Variants in ABCA6 observed in about 807,000 individuals in gnomAD.
ABCA6 encodes ATP binding cassette subfamily A member 6.
Under a neutral mutation model 191.2 loss-of-function variants are expected in ABCA6, and 164 were observed. The ratio of observed to expected loss-of-function variants is 0.86; its 90% CI spans 0.76 to 0.98. The LOEUF (loss-of-function observed/expected upper bound fraction) is 0.98. Ranked by LOEUF, ABCA6 falls within the 50% of genes least tolerant of loss-of-function variation. The pLI, the probability that ABCA6 is intolerant of heterozygous loss-of-function variation, is 0.00. For missense variants in ABCA6, 1,958 were observed against 1,894.1 expected, an observed-to-expected ratio of 1.03 and a Z score of -0.63; for synonymous variants, 636 against 647.7, an observed-to-expected ratio of 0.98 and a Z score of 0.27.
chr17:69,080,541 A>G (rs1455150126), intron 37 of ABCA6, among the ~76,000 whole-genome samples: 1 of 152,188 alleles, frequency 6.6e-6, no homozygotes, highest in African/African-American at 2.4e-5. Context: ...AATGCAGGGG[A>G]CGGTCAAAGC....
At chr17:69,120,816 A>G (rs1029239852) in intron 10 of ABCA6, among the ~76,000 whole-genome samples, 3 of 152,096 alleles carry the variant, frequency 2.0e-5, no homozygotes, top group African/African-American at 4.8e-5. Context: ...AGTTACAGGA[A>G]TGCACATATG....
At chr17:69,130,513 A>G (rs2073843481) in intron 6 of ABCA6, among the ~76,000 whole-genome samples, 1 of 152,184 alleles carries the variant, frequency 6.6e-6, no homozygotes, top group African/African-American at 2.4e-5. Flanking sequence ...AATCAACAAT[A>G]TTATACACTG....
chr17:69,129,958 C>T (rs1010398145), intron 6 of ABCA6, among the ~76,000 whole-genome samples: 1 of 152,052 alleles, frequency 6.6e-6, no homozygotes, highest in Non-Finnish European at 1.5e-5. Context: ...ATCTTCGTTA[C>T]CTTTACCATA....
Position 69,137,414 on chromosome 17 carries a change from A to G in ABCA6, c.183T>C (p.Pro61=). 1 of 1,613,774 alleles carries G rather than the reference A, an allele frequency of 6.2e-7. No homozygotes were observed. Among genetic ancestry groups the G allele is most frequent in the Non-Finnish European group, 8.5e-7 (1 of 1,179,810 alleles). ...ATTTATCTACCCTTCCCAGATTCTG[A>G]GGAGCCATTCCAGGAAACTGGACAT... ...MRNVQFPGMA[P]QNLGRVDKFN... The change falls in exon 3 of 39, where the codon CCT becomes CCC. Residue 61 remains proline (P), a synonymous_variant. Transcript: ENST00000284425.
At position 69,140,724 on chromosome 17, in the gene ABCA6, G is replaced by C. The variant is rs2074013829; in HGVS notation, c.-21C>G. ...TTCATTTAGCCTATTCGCTGAAGGA[G>C]AAAGTAATCATGGTGGAACACAACC... On this transcript the variant is annotated 5_prime_UTR_variant, in exon 2 of 39. Coordinates refer to ENST00000284425, the MANE Select transcript of ABCA6 (RefSeq NM_080284.3). 2.0e-6 allele frequency: 3 copies of C among 1,495,342 alleles called. No homozygotes were observed. The highest frequency in any genetic ancestry group is 1.3e-5 in the South Asian group (1 of 74,088). The allele number at this position is 1,495,342 out of a possible 1,614,324, so 92.6% of individuals were successfully genotyped here. A position where few individuals can be genotyped will look rare whatever the true frequency, so the allele number is the denominator to read the frequency against.
intron 36 of ABCA6, among the ~76,000 whole-genome samples, chr17:69,081,473 C>G (rs1404982952): frequency 6.6e-6 from 1 of 151,854 alleles, no homozygotes; most frequent in African/African-American, 2.4e-5. Flanking sequence ...AAATGTTCAT[C>G]TTTGTCATCA....
At chr17:69,079,103 A>G (rs2072562600) in intron 38 of ABCA6, 29 bp from the exon 39 acceptor site, 1 of 1,579,586 alleles carries the variant, frequency 6.3e-7, no homozygotes, top group African/African-American at 1.4e-5. Flanking sequence ...AGAAGGAAAG[A>G]AGGAAGAGAG....
chr17:69,086,154 C>A (rs1173270576), intron 30 of ABCA6, among the ~76,000 whole-genome samples: 9 of 152,164 alleles, frequency 5.9e-5, no homozygotes, highest in African/African-American at 2.2e-4. Flanking sequence ...CCAACCCAAA[C>A]TGACAAACAA....
intron 22 of ABCA6, 37 bp downstream of exon 22, chr17:69,100,760 T>A: frequency 6.5e-7 from 1 of 1,548,374 alleles, no homozygotes; most frequent in South Asian, 1.2e-5. Flanking sequence ...ATTTGTCCAA[T>A]TCTTAATTGT....
chr17:69,086,637 G>C lies in ABCA6; in HGVS notation c.3918C>G (p.Ile1306Met). ...ACAGACCTTCTTGAACACAGAAAGA[G>C]ATATTTCTTGCTGCTATTTTCTTCT... ...KRKKKIAARN[I>M]SFCVQEGEIL... Residue 1306 changes from isoleucine (I) to methionine (M), a missense_variant, in exon 30 of 39, where the codon ATC becomes ATG. By Grantham distance (10) the Ile-to-Met change is conservative. Transcript: ENST00000284425. 1 of 1,610,376 alleles carries C rather than the reference G, an allele frequency of 6.2e-7. No homozygotes were observed. Among genetic ancestry groups the C allele is most frequent in the South Asian group, 1.1e-5 (1 of 90,990 alleles).
chr17:69,110,229 C>G (rs763978511), intron 17 of ABCA6: 1 of 152,192 alleles, frequency 6.6e-6, no homozygotes, highest in Non-Finnish European at 1.5e-5. Context: ...GGGGGGCTAC[C>G]TTACAAAGAG....
Position 69,137,317 on chromosome 17 carries a change from C to T in ABCA6, c.280G>A (p.Ala94Thr), listed in dbSNP as rs2073965108. 1 of 1,612,764 alleles carries T rather than the reference C, an allele frequency of 6.2e-7. No homozygotes were observed. Among genetic ancestry groups the T allele is most frequent in the Non-Finnish European group, 8.5e-7 (1 of 1,179,560 alleles). The change falls in exon 3 of 39, where the codon GCA (alanine) becomes ACA (threonine). Residue 94 changes from alanine to threonine, a missense_variant. Ala to Thr is a moderately conservative substitution (Grantham distance 58). Transcript: ENST00000284425. ...CTACCTTTCAAAAGAGGAGCAAGTGCTGTTTTATTCATTATCTGCTGGGTT... is the reference window on the plus strand; with the variant it reads ...CTACCTTTCAAAAGAGGAGCAAGTGTTGTTTTATTCATTATCTGCTGGGTT... ...NLTQQIMNKT[A>T]LAPLLKGTSV...
Position 69,140,614 on chromosome 17 carries a change from G to T in ABCA6, c.90C>A (p.Ser30Arg). 2 of 1,595,162 alleles carry T rather than the reference G, an allele frequency of 1.3e-6. No individual in the cohort carries two copies. The highest frequency in any genetic ancestry group is 2.7e-5 in the African/African-American group (2 of 73,962). The change falls in exon 2 of 39, where the codon AGC becomes AGA. Residue 30 changes from serine (S) to arginine (R), a missense_variant. Coordinates refer to ENST00000284425, the MANE Select transcript of ABCA6 (RefSeq NM_080284.3). ...FLKKWRMKRESLLEWGLSILL... is the reference protein window; with the variant it reads ...FLKKWRMKRERLLEWGLSILL... ...GACAAATTTTTAAACATACCAATAA[G>T]CTCTCTCTTTTCATCCTCCATTTCT...
chr17:69,112,595 C>A, intron 15 of ABCA6: 9 of 234,996 alleles, frequency 3.8e-5, no homozygotes, highest in South Asian at 6.7e-5. Context: ...TCAGTGAGAG[C>A]TAAAAAATGG....
intron 37 of ABCA6, among the ~76,000 whole-genome samples, chr17:69,080,295 A>G (rs1052051445): frequency 6.6e-6 from 1 of 152,108 alleles, no homozygotes; most frequent in Non-Finnish European, 1.5e-5. Context: ...GCAGAGACGA[A>G]CCATCTAGAT....
intron 2 of ABCA6, among the ~76,000 whole-genome samples, chr17:69,139,704 C>CGACAA (rs2144729644): frequency 6.6e-6 from 1 of 152,162 alleles, no homozygotes; most frequent in Admixed American, 6.5e-5. Context: ...ACCCAAATGT[C>CGACAA]CGACAATGAT....
At chr17:69,093,203 C>T (rs764770264) in intron 25 of ABCA6, among the ~76,000 whole-genome samples, 1 of 152,002 alleles carries the variant, frequency 6.6e-6, no homozygotes, top group Non-Finnish European at 1.5e-5. Context: ...AAGAAAATAA[C>T]AGAATAATGG....
chr17:69,135,349 A>G (rs1053912103), intron 4 of ABCA6: 13 of 152,522 alleles, frequency 8.5e-5, no homozygotes, highest in African/African-American at 3.1e-4. Flanking sequence ...GTTTCTTGAC[A>G]TTCTCCATAG....
chr17:69,079,317 C>T (rs2072571992), intron 37 of ABCA6, 52 bp from the exon 38 acceptor site: 2 of 1,431,466 alleles, frequency 1.4e-6, no homozygotes, highest in East Asian at 4.7e-5. Context: ...AATTTATTAC[C>T]AAGAATTTTT....
Sources: gnomAD v4.1 joint callset for allele counts (sites outside exome capture counted in the v4.1 genomes callset) on GRCh38, gnomAD v4.1.1 for gene constraint, MANE v1.5 for transcripts, NCBI Gene and HGNC (gene_info 2026-07-23, HGNC 2026-07-21) for gene names.